Variants in C8orf76 observed in about 807,000 individuals in gnomAD.
C8orf76 encodes the protein chromosome 8 open reading frame 76.
C8orf76 carries 46 observed loss-of-function variants against 38.1 expected under a neutral mutation model. That is an observed-to-expected ratio of 1.21 (90% confidence interval 0.95 to 1.54). The LOEUF (loss-of-function observed/expected upper bound fraction) is 1.54. C8orf76 is among the 40% of genes most tolerant of loss of function. The pLI is 0.00. For missense variants in C8orf76, 461 were observed against 441.6 expected (o/e 1.04, Z -0.39); for synonymous variants, 166 against 167.5 (o/e 0.99, Z 0.07).
intron 5 of C8orf76, among the ~76,000 whole-genome samples, chr8:123,225,647 T>C (rs1232405547): frequency 1.3e-5 from 2 of 151,934 alleles, no homozygotes; most frequent in Non-Finnish European, 2.9e-5. Flanking sequence ...AAGGAAGAGA[T>C]CAGGCATGGT....
intron 5 of C8orf76, among the ~76,000 whole-genome samples, chr8:123,222,881 T>C (rs1824926973): frequency 6.6e-6 from 1 of 152,214 alleles, no homozygotes; most frequent in East Asian, 1.9e-4. Flanking sequence ...AACAATGCTT[T>C]CACATATTGC....
intron 1 of C8orf76, 172 bp from the exon 2 acceptor site, chr8:123,239,316 T>TGGGAGGCCAAGGTG: frequency 1.7e-6 from 1 of 603,484 alleles, no homozygotes; most frequent in Non-Finnish European, 2.8e-6. Context: ...CTGCCCACCT[T>TGGGAGGCCAAGGTG]GGCCTCCCAA....
At chr8:123,230,176 T>C (rs1454875497) in intron 4 of C8orf76, among the ~76,000 whole-genome samples, 1 of 152,180 alleles carries the variant, frequency 6.6e-6, no homozygotes, top group Non-Finnish European at 1.5e-5. Flanking sequence ...TCATCATTTA[T>C]AGAACTGGTC....
chr8:123,222,708 T>C (rs1455337759), intron 5 of C8orf76, among the ~76,000 whole-genome samples: 1 of 152,198 alleles, frequency 6.6e-6, no homozygotes, highest in Non-Finnish European at 1.5e-5. Context: ...GAAAAAATTG[T>C]TCATCTTAAT....
chr8:123,226,127 T>G, intron 5 of C8orf76: 1 of 1,045,940 alleles, frequency 9.6e-7, no homozygotes, highest in Non-Finnish European at 1.2e-6. Context: ...CAATTCTAGC[T>G]CTACTCAACT....
At chr8:123,241,123 G>T in intron 1 of C8orf76, 107 bp downstream of exon 1, 2 of 1,163,316 alleles carry the variant, frequency 1.7e-6, no homozygotes, top group Non-Finnish European at 2.3e-6. Flanking sequence ...GCTGGAGCCT[G>T]CCAGGGTTTG....
At position 123,220,292 on chromosome 8, in the gene C8orf76, C is replaced by A. The variant is rs570704380; in HGVS notation, c.954G>T (p.Met318Ile). ...TTATTTTTTCTGGGATATCTTCTCCCATAACCTATAACAGGAGGAAAAAAA... is the reference window on the plus strand; with the variant it reads ...TTATTTTTTCTGGGATATCTTCTCCAATAACCTATAACAGGAGGAAAAAAA... ...EDTLLLIAEVMGEDIPEKIKD... is the reference protein window; with the variant it reads ...EDTLLLIAEVIGEDIPEKIKD... Residue 318 changes from methionine (M) to isoleucine (I), a missense_variant, in exon 6 of 6, where the codon ATG becomes ATT. Physicochemically the swap from Met to Ile is conservative, Grantham distance 10 (BLOSUM62 1). Transcript: ENST00000276704. The A allele has an allele frequency of 1.2e-5, 19 of 1,583,596 alleles. No individual in the cohort carries two copies. In the South Asian group the frequency reaches 2.0e-4, roughly 17 times the overall value.
At chr8:123,238,529 T>C (rs1432312692) in intron 2 of C8orf76, 1 of 155,164 alleles carries the variant, frequency 6.4e-6, no homozygotes, top group Non-Finnish European at 1.4e-5. Context: ...TAATCACTAC[T>C]ACTATGGAAA....
intron 3 of C8orf76, among the ~76,000 whole-genome samples, chr8:123,236,561 G>A (rs970250020): frequency 7.9e-5 from 12 of 152,112 alleles, no homozygotes; most frequent in Non-Finnish European, 1.2e-4. Flanking sequence ...GGCCGAGGCG[G>A]GCGGATCACA....
Position 123,220,304 on chromosome 8 carries a change from C to T in C8orf76, c.949-7G>A. 1.3e-6 allele frequency: 2 copies of T among 1,526,278 alleles called. No homozygotes were observed. Among genetic ancestry groups the T allele is most frequent in the South Asian group, 2.6e-5 (2 of 78,328 alleles). The allele number at this position is 1,526,278 out of a possible 1,614,324, so 94.5% of individuals were successfully genotyped here. On this transcript the variant is annotated splice_polypyrimidine_tract_variant and splice_region_variant and intron_variant, in intron 5 of 5. Coordinates refer to ENST00000276704, the MANE Select transcript of C8orf76 (RefSeq NM_032847.3). ...GGATATCTTCTCCCATAACCTATAA[C>T]AGGAGGAAAAAAAAAAACTGTCCCA...
intron 5 of C8orf76, among the ~76,000 whole-genome samples, chr8:123,225,894 C>T (rs1020755025): frequency 1.3e-5 from 2 of 150,848 alleles, no homozygotes; most frequent in African/African-American, 4.9e-5. Flanking sequence ...CACTGCACTC[C>T]AGCCTGGGAG....
At position 123,239,055 on chromosome 8, in the gene C8orf76, C is replaced by A. The variant is rs1264175124; in HGVS notation, c.207G>T (p.Glu69Asp). Reference sequence around the variant, plus strand: ...ACCATATGTTGAATTCTACCTGATACTCTTGTCGTCTGTAGGCCAGGTCTC... The same window carrying A: ...ACCATATGTTGAATTCTACCTGATAATCTTGTCGTCTGTAGGCCAGGTCTC... ...FKGDLAYRRQ[E>D]YQKALQEYSS... Residue 69 changes from glutamate to aspartate, a missense_variant, in exon 2 of 6, where the codon GAG becomes GAT. Physicochemically the swap from Glu to Asp is conservative, Grantham distance 45. Transcript: ENST00000276704. The A allele has an allele frequency of 1.2e-6, 2 of 1,614,060 alleles. No homozygotes were observed. Among genetic ancestry groups the A allele is most frequent in the East Asian group, 4.5e-5 (2 of 44,874 alleles).
In C8orf76 at chr8:123,226,173, A is replaced by T. The variant is rs1190243664; in HGVS notation, c.948+327T>A. 2.7e-6 allele frequency: 3 copies of T among 1,110,794 alleles called. No homozygotes were observed. The African/African-American group carries it at 5.0e-5, about 18-fold the overall frequency. The allele number at this position is 1,110,794 out of a possible 1,614,324, so 68.8% of individuals were successfully genotyped here. ...TTATGATGAATGGAGGAAAAAAAAT[A>T]GAACTGCTACACAAATGTAAGCATT... On this transcript the variant is annotated intron_variant, in intron 5 of 5. Coordinates refer to ENST00000276704, the MANE Select transcript of C8orf76 (RefSeq NM_032847.3).
intron 5 of C8orf76, among the ~76,000 whole-genome samples, chr8:123,221,998 G>T (rs574179588): frequency 6.6e-6 from 1 of 151,772 alleles, no homozygotes; most frequent in East Asian, 1.9e-4. Context: ...CTTTTTTTTG[G>T]GGGGCGGGGG....
intron 5 of C8orf76, among the ~76,000 whole-genome samples, chr8:123,225,737 C>T (rs1402842189): frequency 2.0e-5 from 3 of 151,968 alleles, no homozygotes; most frequent in African/African-American, 7.3e-5. Flanking sequence ...GACAGACTGG[C>T]CAACATGGTG....
At chr8:123,237,167 G>A (rs1563802118) in intron 3 of C8orf76, 2 of 730,488 alleles carry the variant, frequency 2.7e-6, no homozygotes, top group South Asian at 1.5e-5. Context: ...GTCAACTCCC[G>A]CAAGAAGCGC....
intron 1 of C8orf76, 122 bp from the exon 2 acceptor site, chr8:123,239,266 C>A: frequency 9.3e-7 from 1 of 1,074,206 alleles, no homozygotes; most frequent in Non-Finnish European, 1.3e-6. Context: ...AGAGTCTGGC[C>A]AGGTTAGTCT....
intron 3 of C8orf76, among the ~76,000 whole-genome samples, chr8:123,236,088 T>C (rs1030169087): frequency 6.6e-6 from 1 of 152,232 alleles, no homozygotes; most frequent in Non-Finnish European, 1.5e-5. Flanking sequence ...ACAGCTGTTT[T>C]CCATGTTCTT....
At chr8:123,232,055 T>C (rs553672150) in intron 3 of C8orf76, among the ~76,000 whole-genome samples, 2 of 152,232 alleles carry the variant, frequency 1.3e-5, no homozygotes, top group Non-Finnish European at 2.9e-5. Context: ...TAAATATCCA[T>C]TTATTTCCAA....
Sources: allele counts gnomAD v4.1 joint callset (sites outside exome capture counted in the v4.1 genomes callset), GRCh38; gene constraint gnomAD v4.1.1; transcripts MANE v1.5; gene names NCBI Gene and HGNC (gene_info 2026-07-23, HGNC 2026-07-21).